Variants in OR9Q1 observed in about 807,000 individuals in gnomAD.
OR9Q1 encodes the protein olfactory receptor 9Q1.
For synonymous variants in OR9Q1, 153 were observed against 148.6 expected (o/e 1.03, Z -0.22); for missense variants, 374 against 378.8 (o/e 0.99, Z 0.11).
chr11:58,075,234 C>T (rs1853528155), intron 2 of OR9Q1, among the ~76,000 whole-genome samples: 1 of 152,098 alleles, frequency 6.6e-6, no homozygotes, highest in East Asian at 1.9e-4. Flanking sequence ...TCTTCCTATC[C>T]AGGAGCATAG....
At chr11:58,158,422 T>C (rs1358145194) in intron 2 of OR9Q1, among the ~76,000 whole-genome samples, 3 of 810 alleles carry the variant, frequency 3.7e-3, no homozygotes, top group Non-Finnish European at 5.3e-3. Flanking sequence ...CTAGGTCTGC[T>C]TTTTTTTTTT....
At chr11:58,031,674 C>T in intron 1 of OR9Q1, 1 of 1,613,872 alleles carries the variant, frequency 6.2e-7, no homozygotes, top group East Asian at 2.2e-5. Context: ...CGCTGGAAGG[C>T]CTTCTCTACC....
chr11:58,106,628 G>A (rs1028501689), intron 2 of OR9Q1, among the ~76,000 whole-genome samples: 2 of 152,060 alleles, frequency 1.3e-5, no homozygotes, highest in African/African-American at 2.4e-5. Context: ...ACAGTTTCAG[G>A]TCTTACATTT....
Position 58,179,932 on chromosome 11 carries a change from C to A in OR9Q1, c.488C>A (p.Ala163Asp). The A allele has an allele frequency of 6.2e-7, 1 of 1,614,140 alleles. No homozygotes were observed. The highest frequency in any genetic ancestry group is 8.5e-7 in the Non-Finnish European group (1 of 1,180,012). ...AGTGCCTTGGTGCGGACAGTCTCAG[C>A]CTTCACTCTCTCCTTCTGTGGAACC... ...LISALVRTVS[A>D]FTLSFCGTSE... The change falls in exon 3 of 3, where the codon GCC (alanine) becomes GAC (aspartate). Residue 163 changes from alanine to aspartate, a missense_variant. Ala to Asp is a moderately radical substitution (Grantham distance 126). Transcript: ENST00000335397.
rs117738179 is a variant in OR9Q1, at chr11:58,026,014, C to T, written c.-93+1910C>T. Among the ~76,000 whole-genome samples the T allele has an allele frequency of 1.3e-3, 194 of 152,310 alleles. 4 individuals are homozygous for T. In the East Asian group the frequency reaches 0.034, roughly 27 times the overall value. Reference sequence around the variant, plus strand: ...TCTTGATCTTACCTGTCCTGTCTTCCTTGTATGCCAACTTCACTGCCCCCT... The same window carrying T: ...TCTTGATCTTACCTGTCCTGTCTTCTTTGTATGCCAACTTCACTGCCCCCT... On this transcript the variant is annotated intron_variant, in intron 1 of 2. Transcript: ENST00000335397.
intron 2 of OR9Q1, among the ~76,000 whole-genome samples, chr11:58,169,735 G>A (rs1324276738): frequency 6.6e-6 from 1 of 151,918 alleles, no homozygotes; most frequent in East Asian, 1.9e-4. Flanking sequence ...CTTTTTCCAG[G>A]ATGTGATGTA....
At chr11:58,124,085 A>T (rs1214115847) in intron 2 of OR9Q1, among the ~76,000 whole-genome samples, 1 of 152,128 alleles carries the variant, frequency 6.6e-6, no homozygotes, top group African/African-American at 2.4e-5. Context: ...TTTCCAAAAT[A>T]TTTCCCAGAG....
chr11:58,089,301 C>A (rs1191801716), intron 2 of OR9Q1, among the ~76,000 whole-genome samples: 1 of 151,800 alleles, frequency 6.6e-6, no homozygotes, highest in African/African-American at 2.4e-5. Flanking sequence ...AGTCTTTAAT[C>A]TATCTTGAGT....
rs115319010 is a variant in OR9Q1, at chr11:58,110,371, A to G, written c.-15+54424A>G. 4.1e-3 allele frequency among the ~76,000 whole-genome samples: 617 copies of G among 152,168 alleles called. 4 individuals are homozygous for G. The highest frequency in any genetic ancestry group is 0.013 in the African/African-American group (555 of 41,518). On this transcript the variant is annotated intron_variant, in intron 2 of 2. Coordinates refer to ENST00000335397, the MANE Select transcript of OR9Q1 (RefSeq NM_001005212.4). ...TTCCTTGTGAGCACTTTCGTAATCTATTTTTGCTCTCCTATGAACTATGTC... is the reference window on the plus strand; with the variant it reads ...TTCCTTGTGAGCACTTTCGTAATCTGTTTTTGCTCTCCTATGAACTATGTC...
At chr11:58,089,116 G>A (rs1299029992) in intron 2 of OR9Q1, among the ~76,000 whole-genome samples, 1 of 151,716 alleles carries the variant, frequency 6.6e-6, no homozygotes, top group African/African-American at 2.4e-5. Flanking sequence ...GACCTCAGGT[G>A]ATTCACCCAC....
intron 1 of OR9Q1, among the ~76,000 whole-genome samples, chr11:58,036,064 G>A (rs940157042): frequency 4.6e-5 from 7 of 150,928 alleles, no homozygotes; most frequent in East Asian, 3.9e-4. Context: ...AGTAATTCTC[G>A]CAACATTTTA....
At chr11:58,178,240 C>T (rs1854623501) in intron 2 of OR9Q1, among the ~76,000 whole-genome samples, 1 of 152,104 alleles carries the variant, frequency 6.6e-6, no homozygotes, top group Non-Finnish European at 1.5e-5. Context: ...AAAATAGAGG[C>T]AAATAATTTG....
intron 2 of OR9Q1, among the ~76,000 whole-genome samples, chr11:58,138,982 A>G (rs1854216010): frequency 6.6e-6 from 1 of 152,176 alleles, no homozygotes; most frequent in Non-Finnish European, 1.5e-5. Flanking sequence ...AACAAATTGA[A>G]TTTACAATAG....
chr11:58,039,348 A>G (rs1486502863), intron 1 of OR9Q1, among the ~76,000 whole-genome samples: 1 of 152,178 alleles, frequency 6.6e-6, no homozygotes, highest in Non-Finnish European at 1.5e-5. Context: ...ATTGGTTCCA[A>G]TAACATCTTT....
chr11:58,119,454 G>A, intron 2 of OR9Q1: 3 of 1,512,018 alleles, frequency 2.0e-6, no homozygotes, highest in South Asian at 1.2e-5. Flanking sequence ...TGGAGACAAT[G>A]TGGACTGTTG....
At chr11:58,062,503 C>G (rs117397873) in intron 2 of OR9Q1, among the ~76,000 whole-genome samples, 1 of 152,104 alleles carries the variant, frequency 6.6e-6, no homozygotes, top group Non-Finnish European at 1.5e-5. Flanking sequence ...AATCTAAATT[C>G]GTTTTCCTAA....
At chr11:58,079,182 G>C (rs76704501) in intron 2 of OR9Q1, among the ~76,000 whole-genome samples, 1 of 152,210 alleles carries the variant, frequency 6.6e-6, no homozygotes, top group Non-Finnish European at 1.5e-5. Context: ...GCAGAAGGAA[G>C]TCAAGGATCT....
intron 1 of OR9Q1, chr11:58,031,714 C>T (rs1853042095): frequency 6.2e-7 from 1 of 1,613,938 alleles, no homozygotes; most frequent in African/African-American, 1.3e-5. Flanking sequence ...TGGTGAGCCT[C>T]TTCTATGGCA....
chr11:58,166,737 A>G (rs1247901092), intron 2 of OR9Q1, among the ~76,000 whole-genome samples: 1 of 152,160 alleles, frequency 6.6e-6, no homozygotes, highest in Non-Finnish European at 1.5e-5. Flanking sequence ...TGCGGGAAAC[A>G]TTTGGCATGA....
Sources: allele counts gnomAD v4.1 joint callset (sites outside exome capture counted in the v4.1 genomes callset), GRCh38; gene constraint gnomAD v4.1.1; transcripts MANE v1.5; gene names NCBI Gene and HGNC (gene_info 2026-07-23, HGNC 2026-07-21).